Variants in ST6GAL1 observed in about 807,000 individuals in gnomAD.
The protein encoded by ST6GAL1 is beta-galactoside alpha-2,6-sialyltransferase 1.
A neutral mutation model predicts 38.0 loss-of-function variants in ST6GAL1; 20 were observed. The ratio of observed to expected loss-of-function variants is 0.53; its 90% CI spans 0.37 to 0.77. ST6GAL1 has a LOEUF of 0.77. Among genes scored for constraint, ST6GAL1 ranks in the 30% least tolerant of loss-of-function variants. The pLI, the probability that ST6GAL1 is intolerant of heterozygous loss-of-function variation, is 0.00. For missense variants in ST6GAL1, 432 were observed against 496.4 expected (o/e 0.87, Z 1.23); for synonymous variants, 196 against 188.2 (o/e 1.04, Z -0.34).
At chr3:186,937,848 A>G (rs970380348) in intron 1 of ST6GAL1, among the ~76,000 whole-genome samples, 3 of 152,106 alleles carry the variant, frequency 2.0e-5, no homozygotes, top group Non-Finnish European at 4.4e-5. Context: ...TGATGCAGGC[A>G]GATCACCTGA....
intron 2 of ST6GAL1, among the ~76,000 whole-genome samples, chr3:186,977,398 T>A (rs1262375654): frequency 6.6e-6 from 1 of 152,212 alleles, no homozygotes; most frequent in African/African-American, 2.4e-5. Flanking sequence ...TTGGACTCAG[T>A]GTTTTCACTT....
chr3:186,992,842 A>G (rs1239818316), intron 2 of ST6GAL1, among the ~76,000 whole-genome samples: 7 of 152,186 alleles, frequency 4.6e-5, no homozygotes, highest in Non-Finnish European at 1.5e-5. Context: ...TTGAGAACAG[A>G]AAAGCAAATT....
chr3:186,977,108 C>T (rs1204291322), intron 2 of ST6GAL1, among the ~76,000 whole-genome samples: 3 of 152,212 alleles, frequency 2.0e-5, no homozygotes, highest in Non-Finnish European at 2.9e-5. Flanking sequence ...ATTCATGACC[C>T]GATTTGCTCC....
intron 5 of ST6GAL1, among the ~76,000 whole-genome samples, chr3:187,057,077 C>G (rs1032261005): frequency 6.6e-6 from 1 of 152,206 alleles, no homozygotes; most frequent in Non-Finnish European, 1.5e-5. Flanking sequence ...GATACCCTTT[C>G]TTCCACTTGA....
intron 2 of ST6GAL1, among the ~76,000 whole-genome samples, chr3:186,985,707 G>A (rs927129471): frequency 6.6e-5 from 10 of 151,788 alleles, no homozygotes; most frequent in Admixed American, 6.6e-5. Context: ...CCTCAGAGGT[G>A]GACGTTGCAG....
At chr3:187,007,694 G>T (rs980462817) in intron 2 of ST6GAL1, among the ~76,000 whole-genome samples, 1 of 152,204 alleles carries the variant, frequency 6.6e-6, no homozygotes, top group African/African-American at 2.4e-5. Flanking sequence ...GTACTCAAAG[G>T]AAAAGACAGT....
intron 1 of ST6GAL1, among the ~76,000 whole-genome samples, chr3:186,950,791 T>C (rs186005018): frequency 6.6e-6 from 1 of 152,344 alleles, no homozygotes; most frequent in African/African-American, 2.4e-5. Context: ...GACTCTAAAG[T>C]TCTGTGATAT....
At chr3:187,065,859 C>T (rs955752044) in intron 5 of ST6GAL1, among the ~76,000 whole-genome samples, 2 of 152,216 alleles carry the variant, frequency 1.3e-5, no homozygotes, top group African/African-American at 4.8e-5. Flanking sequence ...ATTTGATCTT[C>T]ATGGCAAACC....
intron 3 of ST6GAL1, among the ~76,000 whole-genome samples, chr3:187,039,465 T>C (rs942903066): frequency 6.6e-6 from 1 of 152,168 alleles, no homozygotes; most frequent in African/African-American, 2.4e-5. Context: ...TACAAAGCAC[T>C]GGCTGGCAGC....
At chr3:187,019,396 C>T (rs1245947995) in intron 2 of ST6GAL1, among the ~76,000 whole-genome samples, 1 of 152,224 alleles carries the variant, frequency 6.6e-6, no homozygotes, top group Non-Finnish European at 1.5e-5. Flanking sequence ...AAACTCACGT[C>T]TTAACCATCT....
At chr3:186,989,389 C>G (rs1716073808) in intron 2 of ST6GAL1, among the ~76,000 whole-genome samples, 1 of 152,178 alleles carries the variant, frequency 6.6e-6, no homozygotes, top group Non-Finnish European at 1.5e-5. Context: ...ATATTTTGCT[C>G]TCTGCAGACA....
At chr3:187,007,954 A>G (rs1322691698) in intron 2 of ST6GAL1, among the ~76,000 whole-genome samples, 1 of 150,828 alleles carries the variant, frequency 6.6e-6, no homozygotes, top group East Asian at 2.0e-4. Flanking sequence ...ATCAATAGAA[A>G]GTATACACAA....
At chr3:187,057,731 G>A (rs928586948) in intron 5 of ST6GAL1, among the ~76,000 whole-genome samples, 4 of 152,208 alleles carry the variant, frequency 2.6e-5, no homozygotes, top group Non-Finnish European at 5.9e-5. Context: ...GTGCCTCCCA[G>A]TTAGGCTACA....
chr3:186,991,582 C>G (rs1052735321), intron 2 of ST6GAL1, among the ~76,000 whole-genome samples: 3 of 152,158 alleles, frequency 2.0e-5, no homozygotes, highest in Non-Finnish European at 2.9e-5. Context: ...TGGACTGATA[C>G]AGGCCATTTC....
At chr3:187,040,131 A>G (rs1046963955) in intron 3 of ST6GAL1, among the ~76,000 whole-genome samples, 8 of 152,130 alleles carry the variant, frequency 5.3e-5, no homozygotes, top group Admixed American at 3.3e-4. Context: ...TCACTCATGC[A>G]ACTTTGAAAA....
At chr3:186,979,375 C>A (rs1715619418) in intron 2 of ST6GAL1, among the ~76,000 whole-genome samples, 1 of 152,074 alleles carries the variant, frequency 6.6e-6, no homozygotes, top group Non-Finnish European at 1.5e-5. Flanking sequence ...CAGTGGGAGG[C>A]CTTACAGTTG....
rs1325063954 is a variant in ST6GAL1 at position 186,930,589 on chromosome 3, G to C, written c.-570G>C. ...GTCTTCTGTCCCCCGTTCTTCCCCAGCGGACCCCTCTTTCGAGACTCCCTA... is the reference window on the plus strand; with the variant it reads ...GTCTTCTGTCCCCCGTTCTTCCCCACCGGACCCCTCTTTCGAGACTCCCTA... On this transcript the variant is annotated 5_prime_UTR_variant, in exon 1 of 8. Coordinates refer to ENST00000169298, the MANE Select transcript of ST6GAL1 (RefSeq NM_173216.2). 2.0e-5 allele frequency: 3 copies of C among 152,568 alleles called. No individual in the cohort carries two copies. Among genetic ancestry groups the C allele is most frequent in the African/African-American group, 7.2e-5 (3 of 41,470 alleles). The allele number at this position is 152,568 out of a possible 1,614,324, so 9.5% of individuals were successfully genotyped here. A position where few individuals can be genotyped will look rare whatever the true frequency, so the allele number is the denominator to read the frequency against.
chr3:187,071,790 A>AAG (rs1553837651), intron 5 of ST6GAL1, among the ~76,000 whole-genome samples: 11 of 149,648 alleles, frequency 7.4e-5, no homozygotes, highest in Admixed American at 4.6e-4. Flanking sequence ...AAAAAAAAAA[A>AAG]AAAAAGAAAA....
At chr3:187,012,777 TC>T (rs983076279) in intron 2 of ST6GAL1, among the ~76,000 whole-genome samples, 6 of 152,174 alleles carry the variant, frequency 3.9e-5, no homozygotes, top group Admixed American at 6.5e-5. Context: ...CCTGTTTTCT[TC>T]CCCTGAGCAC....
Sources: gnomAD v4.1 joint callset for allele counts (sites outside exome capture counted in the v4.1 genomes callset) on GRCh38, gnomAD v4.1.1 for gene constraint, MANE v1.5 for transcripts, NCBI Gene and HGNC (gene_info 2026-07-23, HGNC 2026-07-21) for gene names.